ABCB10: variants seen among roughly 807,000 people sequenced by gnomAD.
ABCB10 encodes the protein ATP binding cassette subfamily B member 10, also known as ATP-binding cassette sub-family B member 10, mitochondrial.
Under a neutral mutation model 65.4 loss-of-function variants are expected in ABCB10, and 54 were observed. The ratio of observed to expected loss-of-function variants is 0.83; its 90% CI spans 0.66 to 1.04. ABCB10 has a LOEUF of 1.04. ABCB10 is among the 50% of genes least tolerant of loss of function. The probability of loss-of-function intolerance (pLI) is 0.00; values close to 1 mark genes in which losing one functional copy is unlikely to be tolerated. For synonymous variants in ABCB10, 418 were observed against 406.5 expected (o/e 1.03, Z -0.34); for missense variants, 846 against 976.6 (o/e 0.87, Z 1.78).
At chr1:229,549,071 C>G (rs1663039002) in intron 2 of ABCB10, among the ~76,000 whole-genome samples, 163 bp downstream of exon 2, 1 of 152,150 alleles carries the variant, frequency 6.6e-6, no homozygotes, top group Admixed American at 6.6e-5. Context: ...ATCTGTAACT[C>G]CAACATCTGG....
chr1:229,534,072 A>G (rs1057234669), intron 6 of ABCB10, among the ~76,000 whole-genome samples: 1 of 152,264 alleles, frequency 6.6e-6, no homozygotes, highest in African/African-American at 2.4e-5. Flanking sequence ...CTTAAAACTC[A>G]ACAATACGGA....
intron 1 of ABCB10, among the ~76,000 whole-genome samples, chr1:229,555,126 C>T (rs1204142279): frequency 2.6e-5 from 4 of 152,166 alleles, no homozygotes; most frequent in East Asian, 1.9e-4. Flanking sequence ...CTGCCCACCC[C>T]GCCGAAGCCC....
intron 10 of ABCB10, 96 bp downstream of exon 10, chr1:229,525,840 G>A (rs1482952763): frequency 5.6e-6 from 8 of 1,436,350 alleles, no homozygotes; most frequent in South Asian, 2.8e-5. Context: ...TCAAGACTCC[G>A]TCTCAAAAAC....
chr1:229,549,353 T>G lies in ABCB10; in HGVS notation c.599A>C (p.Tyr200Ser). The G allele has an allele frequency of 1.2e-6, 2 of 1,614,076 alleles. No homozygotes were observed. Among genetic ancestry groups the G allele is most frequent in the Non-Finnish European group, 1.7e-6 (2 of 1,180,028 alleles). Residue 200 changes from tyrosine (Y) to serine (S), a missense_variant, in exon 2 of 13, where the codon TAT becomes TCT. By Grantham distance (144) the Tyr-to-Ser change is moderately radical. This residue lies in a region of ABCB10 where 632 missense variants were observed against 803.2 expected (regional missense o/e 0.79). Coordinates refer to ENST00000344517, the MANE Select transcript of ABCB10 (RefSeq NM_012089.3). ...FFLGKIIDVI[Y>S]TNPTVDYSDN... is the part of the protein sequence containing the mutation. ...GCTGTAGTCCACAGTGGGGTTGGTA[T>G]AGATGACATCAATGATCTTCCCCAG...
At chr1:229,553,543 T>C (rs1255319574) in intron 1 of ABCB10, among the ~76,000 whole-genome samples, 1 of 151,836 alleles carries the variant, frequency 6.6e-6, no homozygotes, top group Admixed American at 6.6e-5. Context: ...AAGGGCAGAG[T>C]ATAGGACTAC....
chr1:229,521,308 G>A (rs1319951633), intron 11 of ABCB10, among the ~76,000 whole-genome samples: 1 of 151,872 alleles, frequency 6.6e-6, no homozygotes, highest in African/African-American at 2.4e-5. Flanking sequence ...TGTTTCACTG[G>A]CTAGACTGTA....
rs1448253401 is a variant in ABCB10 at position 229,558,337 on chromosome 1, CA to C, written c.315del (p.Phe105LeufsTer107). ...GGGAGCCGAGGAGCGCCTGGCCCGG[CA>C]AAAGCCCCGCACCTGCAGCTGCCGG... ...RGPGSCRCGA[F>X]AGPGAPRLPR... On this transcript the variant is annotated frameshift_variant, in exon 1 of 13. Coordinates refer to ENST00000344517, the MANE Select transcript of ABCB10 (RefSeq NM_012089.3). LOFTEE classifies it high-confidence loss of function. 6.4e-6 allele frequency: 8 copies of C among 1,256,848 alleles called. No individual in the cohort carries two copies. In the South Asian group the frequency reaches 8.2e-5, roughly 13 times the overall value. 77.9% of individuals were successfully genotyped at this position (1,256,848 alleles called of 1,614,324 possible).
chr1:229,530,012 T>A (rs1662540911), intron 8 of ABCB10, among the ~76,000 whole-genome samples, 187 bp downstream of exon 8: 1 of 152,224 alleles, frequency 6.6e-6, no homozygotes, highest in African/African-American at 2.4e-5. Context: ...TCTAAAGGCC[T>A]CTGTATGAGC....
intron 3 of ABCB10, among the ~76,000 whole-genome samples, chr1:229,543,038 G>A (rs923262900): frequency 3.3e-5 from 5 of 151,558 alleles, no homozygotes; most frequent in Admixed American, 1.3e-4. Flanking sequence ...GGCTGAGGAA[G>A]GAGAATCGCT....
chr1:229,518,424 A>G lies in ABCB10; in HGVS notation c.1986-14T>C. 6.2e-7 allele frequency: 1 copy of G among 1,610,092 alleles called. No homozygotes were observed. Among genetic ancestry groups the G allele is most frequent in the Middle Eastern group, 1.7e-4 (1 of 6,056 alleles). ...GCATCCAGCGCACTGACACAGGAGC[A>G]CACACACAAGAAAGCAAAGACGTCA... is the stretch of plus-strand genomic sequence containing the variant. On this transcript the variant is annotated splice_polypyrimidine_tract_variant and intron_variant, in intron 12 of 12. Coordinates refer to ENST00000344517, the MANE Select transcript of ABCB10 (RefSeq NM_012089.3).
At chr1:229,554,422 A>G (rs1663193817) in intron 1 of ABCB10, among the ~76,000 whole-genome samples, 1 of 152,158 alleles carries the variant, frequency 6.6e-6, no homozygotes, top group Non-Finnish European at 1.5e-5. Context: ...ATTAAAATAA[A>G]ACAGTTAGGG....
At chr1:229,531,582 A>G (rs1662585238) in intron 7 of ABCB10, 54 bp downstream of exon 7, 1 of 1,555,054 alleles carries the variant, frequency 6.4e-7, no homozygotes, top group African/African-American at 1.4e-5. Context: ...AGCTGGTCTC[A>G]TTGTTCAAAG....
At position 229,539,672 on chromosome 1, in the gene ABCB10, C is replaced by A. The variant is rs893412733; in HGVS notation, c.1204-81G>T. The stretch of plus-strand genomic sequence containing the variant: ...AAAGCATGAACACGGCCTGTAATGT[C>A]CCTTTTTCATTCAACTGTCACAGCA... On this transcript the variant is annotated intron_variant, in intron 5 of 12. Transcript: ENST00000344517. 8 of 1,470,296 alleles carry A rather than the reference C, an allele frequency of 5.4e-6. No individual in the cohort carries two copies. In the African/African-American group the frequency reaches 1.2e-4, roughly 21 times the overall value. The allele number at this position is 1,470,296 out of a possible 1,614,324, so 91.1% of individuals were successfully genotyped here.
chr1:229,552,353 A>T (rs1258167232), intron 1 of ABCB10, among the ~76,000 whole-genome samples: 2 of 152,140 alleles, frequency 1.3e-5, no homozygotes, highest in African/African-American at 4.8e-5. Flanking sequence ...AGCATACTGC[A>T]ATTCTGAAAT....
At chr1:229,546,171 CAAAA>C (rs1236717877) in intron 3 of ABCB10, among the ~76,000 whole-genome samples, 1 of 55,026 alleles carries the variant, frequency 1.8e-5, no homozygotes, top group Non-Finnish European at 3.8e-5. Flanking sequence ...TACTCCGTCT[CAAAA>C]AAAAAAAAAA....
At chr1:229,530,156 C>A (rs187496830) in intron 8 of ABCB10, 43 bp downstream of exon 8, 2 of 1,601,454 alleles carry the variant, frequency 1.2e-6, no homozygotes, top group African/African-American at 1.3e-5. Context: ...GGGAGCAGAG[C>A]TCGGGAGAGT....
chr1:229,554,258 C>T lies in ABCB10; in HGVS notation c.517+3878G>A, dbSNP rs553060418. Among the ~76,000 whole-genome samples, 23 of 152,188 alleles carry T rather than the reference C, an allele frequency of 1.5e-4. No individual in the cohort carries two copies. The South Asian group carries it at 2.9e-3, about 19-fold the overall frequency. On this transcript the variant is annotated intron_variant, in intron 1 of 12. Coordinates refer to ENST00000344517, the MANE Select transcript of ABCB10 (RefSeq NM_012089.3). ...AATGAGTGAGGACATGAGCGGCTGA[C>T]AGATGAGAAGGGAGTAGAGGAAGAA... is the stretch of plus-strand genomic sequence containing the variant.
At chr1:229,527,360 G>C in intron 8 of ABCB10, 52 bp from the exon 9 acceptor site, 1 of 1,489,090 alleles carries the variant, frequency 6.7e-7, no homozygotes, top group Non-Finnish European at 9.3e-7. Flanking sequence ...TGAGGCTGAT[G>C]ACCAACACAG....
At chr1:229,535,465 G>C (rs890910568) in intron 6 of ABCB10, among the ~76,000 whole-genome samples, 1 of 152,152 alleles carries the variant, frequency 6.6e-6, no homozygotes, top group African/African-American at 2.4e-5. Context: ...TCTGTGAAAA[G>C]AGCCAATCAA....
Sources: allele counts gnomAD v4.1 joint callset (sites outside exome capture counted in the v4.1 genomes callset), GRCh38; gene constraint gnomAD v4.1.1; regional missense constraint gnomAD v4.1.1; transcripts MANE v1.5; gene names NCBI Gene and HGNC (gene_info 2026-07-23, HGNC 2026-07-21).